PPARG: variants seen among roughly 807,000 people sequenced by gnomAD.
The protein encoded by PPARG is peroxisome proliferator activated receptor gamma.
In PPARG, 17 loss-of-function variants were observed where a neutral mutation model predicts 39.2. The observed-to-expected ratio is 0.43, with a 90% CI of 0.30 to 0.65. The LOEUF is 0.65. PPARG is among the 30% of genes least tolerant of loss of function. The probability of loss-of-function intolerance (pLI) is 0.13; values close to 1 mark genes in which losing one functional copy is unlikely to be tolerated. For missense variants in PPARG, 406 were observed against 585.9 expected (o/e 0.69, Z 3.17); for synonymous variants, 223 against 215.7 (o/e 1.03, Z -0.30).
At chr3:12,429,833 C>T (rs979766470) in intron 7 of PPARG, among the ~76,000 whole-genome samples, 2 of 152,148 alleles carry the variant, frequency 1.3e-5, no homozygotes, top group Non-Finnish European at 2.9e-5. Flanking sequence ...AGAGCAACTG[C>T]GAGGAAGACC....
intron 1 of PPARG, among the ~76,000 whole-genome samples, chr3:12,306,971 G>A (rs939869269): frequency 4.6e-5 from 7 of 151,852 alleles, no homozygotes; most frequent in African/African-American, 1.2e-4. Context: ...GGTGGTGGGC[G>A]CCTGTAGTCC....
chr3:12,333,982 A>G (rs947596391), intron 2 of PPARG, among the ~76,000 whole-genome samples: 7 of 152,162 alleles, frequency 4.6e-5, no homozygotes, highest in Admixed American at 4.6e-4. Context: ...CTGGCAGTTA[A>G]CTAGGTGCTG....
intron 6 of PPARG, among the ~76,000 whole-genome samples, chr3:12,414,423 C>A (rs1441366606): frequency 6.6e-6 from 1 of 151,830 alleles, no homozygotes. Flanking sequence ...TCAAGACCAG[C>A]CCAGGCAACA....
At chr3:12,413,664 A>T (rs957619719) in intron 6 of PPARG, among the ~76,000 whole-genome samples, 80 of 151,510 alleles carry the variant, frequency 5.3e-4, no homozygotes, top group Non-Finnish European at 7.8e-4. Flanking sequence ...AAAAAAATTT[A>T]AAAAAAATTG....
intron 1 of PPARG, among the ~76,000 whole-genome samples, chr3:12,306,705 T>C (rs2047074455): frequency 1.3e-5 from 2 of 152,250 alleles, no homozygotes; most frequent in Non-Finnish European, 1.5e-5. Context: ...TTATGTGTCT[T>C]GTAAGTAGTA....
intron 1 of PPARG, among the ~76,000 whole-genome samples, chr3:12,310,145 G>A (rs189270206): frequency 6.6e-6 from 1 of 152,300 alleles, no homozygotes; most frequent in African/African-American, 2.4e-5. Context: ...ACTGGTAGCA[G>A]GAGGGGGTCT....
At chr3:12,348,460 A>AT (rs1559502365) in intron 2 of PPARG, among the ~76,000 whole-genome samples, 1 of 152,182 alleles carries the variant, frequency 6.6e-6, no homozygotes, top group Non-Finnish European at 1.5e-5. Flanking sequence ...CAAGCGGTCA[A>AT]TTTTTTCAAA....
chr3:12,378,340 C>T (rs904397245), intron 2 of PPARG, among the ~76,000 whole-genome samples: 4 of 152,096 alleles, frequency 2.6e-5, no homozygotes, highest in African/African-American at 7.2e-5. Context: ...CAGCATTATT[C>T]GCAATAGCCA....
intron 1 of PPARG, among the ~76,000 whole-genome samples, chr3:12,291,220 AT>A (rs946158047): frequency 2.6e-4 from 40 of 152,026 alleles, no homozygotes; most frequent in Non-Finnish European, 5.6e-4. Context: ...TAATTTGCTT[AT>A]TTTTCCTGGT....
At chr3:12,291,816 T>G (rs1455530591) in intron 1 of PPARG, among the ~76,000 whole-genome samples, 1 of 152,236 alleles carries the variant, frequency 6.6e-6, no homozygotes, top group Non-Finnish European at 1.5e-5. Flanking sequence ...TTTCAACTGT[T>G]TCAATTATTA....
rs1355789926 is a variant in PPARG at position 12,416,771 on chromosome 3, C to A, written c.797C>A (p.Thr266Asn). The A allele has an allele frequency of 6.2e-7, 1 of 1,614,038 alleles. No homozygotes were observed. Among genetic ancestry groups the A allele is most frequent in the South Asian group, 1.1e-5 (1 of 91,072 alleles). ...GEDKIKFKHI[T>N]PLQEQSKEVA... The stretch of plus-strand genomic sequence containing the variant: ...GATAAAATCAAGTTCAAACACATCA[C>A]CCCCCTGCAGGAGCAGAGCAAAGAG... The change falls in exon 7 of 8, where the codon ACC becomes AAC. Residue 266 changes from threonine to asparagine, a missense_variant. By Grantham distance (65) the Thr-to-Asn change is moderately conservative. Around this residue, in one of 2 missense-constraint regions of PPARG, gnomAD observed 275 missense variants for 458.0 expected, o/e 0.60. Coordinates refer to ENST00000651735, the MANE Select transcript of PPARG (RefSeq NM_138711.6).
At chr3:12,366,129 A>G (rs1411718238) in intron 2 of PPARG, among the ~76,000 whole-genome samples, 7 of 152,070 alleles carry the variant, frequency 4.6e-5, no homozygotes, top group Middle Eastern at 3.2e-3. Flanking sequence ...TATTAAATTT[A>G]TACTTAAGTA....
At chr3:12,295,704 G>A (rs185985873) in intron 1 of PPARG, among the ~76,000 whole-genome samples, 3 of 151,762 alleles carry the variant, frequency 2.0e-5, no homozygotes, top group Admixed American at 1.3e-4. Context: ...TATTAGAGAC[G>A]GGGTTTCACC....
chr3:12,407,259 C>T (rs892853732), intron 6 of PPARG, among the ~76,000 whole-genome samples: 1 of 152,082 alleles, frequency 6.6e-6, no homozygotes, highest in South Asian at 2.1e-4. Flanking sequence ...CTCCCTGGTT[C>T]AAGCAATTCT....
intron 1 of PPARG, among the ~76,000 whole-genome samples, chr3:12,308,560 T>A (rs1316198150): frequency 6.6e-6 from 1 of 152,126 alleles, no homozygotes; most frequent in African/African-American, 2.4e-5. Context: ...TTAAACAAAT[T>A]ATATTAAAAA....
chr3:12,377,319 A>T lies in PPARG; in HGVS notation c.-8-2385A>T, dbSNP rs368752554. On this transcript the variant is annotated intron_variant, in intron 2 of 7. Coordinates refer to ENST00000651735, the MANE Select transcript of PPARG (RefSeq NM_138711.6). ...GTTTTGTTTTGTTTTTGTTTTGGGG[A>T]TGGTTTAAAATTAATGCTGGGCTAG... 7.4e-4 allele frequency among the ~76,000 whole-genome samples: 111 copies of T among 150,872 alleles called. 2 individuals are homozygous for T. In the South Asian group the frequency reaches 0.022, roughly 30 times the overall value.
chr3:12,330,609 A>G (rs1302930084), intron 2 of PPARG, among the ~76,000 whole-genome samples: 2 of 152,222 alleles, frequency 1.3e-5, no homozygotes, highest in Non-Finnish European at 2.9e-5. Flanking sequence ...CCATTGCCAT[A>G]TACATTGAAT....
chr3:12,408,730 G>A (rs1280717997), intron 6 of PPARG, among the ~76,000 whole-genome samples: 2 of 151,750 alleles, frequency 1.3e-5, no homozygotes, highest in Non-Finnish European at 2.9e-5. Context: ...GCCATGGTTA[G>A]TTTTCATCAA....
intron 2 of PPARG, chr3:12,371,816 C>A: frequency 1.5e-6 from 1 of 653,570 alleles, no homozygotes; most frequent in Middle Eastern, 2.4e-4. Flanking sequence ...CAAATGAGAA[C>A]TCAGATGATC....
Sources: gnomAD v4.1 joint callset for allele counts (sites outside exome capture counted in the v4.1 genomes callset) on GRCh38, gnomAD v4.1.1 for gene constraint, gnomAD v4.1.1 regional missense constraint, MANE v1.5 for transcripts, NCBI Gene and HGNC (gene_info 2026-07-23, HGNC 2026-07-21) for gene names.